The following DMBT1 variants were observed in gnomAD, a reference collection of about 807,000 sequenced individuals.
DMBT1 encodes the protein scavenger receptor cysteine-rich domain-containing protein DMBT1.
In DMBT1, 198 loss-of-function variants were observed where a neutral mutation model predicts 252.9. The ratio of observed to expected loss-of-function variants is 0.78; its 90% CI spans 0.70 to 0.88. The LOEUF (loss-of-function observed/expected upper bound fraction) is 0.88. DMBT1 is among the 40% of genes least tolerant of loss of function. The pLI is 0.00. For missense variants in DMBT1, 2,432 were observed against 2,404.7 expected (o/e 1.01, Z -0.24); for synonymous variants, 990 against 942.7 (o/e 1.05, Z -0.92).
intron 16 of DMBT1, among the ~76,000 whole-genome samples, chr10:122,587,864 G>C (rs2097804265): frequency 6.7e-6 from 1 of 148,450 alleles, no homozygotes. Context: ...TGTGTCAGTG[G>C]ATGGGGCAGG....
chr10:122,621,706 C>A (rs920024456), intron 44 of DMBT1, among the ~76,000 whole-genome samples: 2 of 152,154 alleles, frequency 1.3e-5, no homozygotes, highest in African/African-American at 4.8e-5. Context: ...GTATGGTGGA[C>A]ACAGCACAGA....
At chr10:122,573,491 C>A (rs1985772) in intron 5 of DMBT1, among the ~76,000 whole-genome samples, 1 of 152,024 alleles carries the variant, frequency 6.6e-6, no homozygotes, top group Non-Finnish European at 1.5e-5. Context: ...CAGCAGAGGA[C>A]ATGGGGGTAG....
chr10:122,570,118 A>G (rs953206550), intron 2 of DMBT1, 44 bp from the exon 3 acceptor site: 7 of 1,542,658 alleles, frequency 4.5e-6, no homozygotes, highest in Middle Eastern at 1.7e-4. Flanking sequence ...GCCCTCCCCA[A>G]GCAAGGGCTA....
Position 122,587,978 on chromosome 10 carries a change from G to A in DMBT1, c.1784-966G>A, listed in dbSNP as rs942001571. On this transcript the variant is annotated intron_variant, in intron 16 of 55. Coordinates refer to ENST00000338354, the MANE Select transcript of DMBT1 (RefSeq NM_001377530.1). ...TGTCCCTTCCTGAGCTTACTGGGCT[G>A]AAGAGTTGGGCAGACACATGGGGAG... is the stretch of plus-strand genomic sequence containing the variant. 4.7e-5 allele frequency among the ~76,000 whole-genome samples: 7 copies of A among 148,526 alleles called. 1 individual carries two copies. Among genetic ancestry groups the A allele is most frequent in the Non-Finnish European group, 1.0e-4 (7 of 66,726 alleles).
chr10:122,598,660 T>C, intron 25 of DMBT1, 114 bp from the exon 26 acceptor site: 1 of 1,565,962 alleles, frequency 6.4e-7, no homozygotes, highest in Non-Finnish European at 8.6e-7. Flanking sequence ...TATTCAAAGG[T>C]GACTGCCTGC....
chr10:122,579,109 C>T (rs1407735611), intron 9 of DMBT1, among the ~76,000 whole-genome samples: 1 of 152,038 alleles, frequency 6.6e-6, no homozygotes, highest in Non-Finnish European at 1.5e-5. Context: ...TGACCTGTCT[C>T]CTGTGGGATC....
At chr10:122,598,243 A>T (rs185672228) in intron 25 of DMBT1, among the ~76,000 whole-genome samples, 111 of 152,154 alleles carry the variant, frequency 7.3e-4, no homozygotes, top group Non-Finnish European at 1.4e-3. Flanking sequence ...TGGTCAGGAA[A>T]CATCCTCATC....
intron 46 of DMBT1, among the ~76,000 whole-genome samples, chr10:122,627,265 G>A (rs1336198854): frequency 6.6e-6 from 1 of 152,082 alleles, no homozygotes; most frequent in Non-Finnish European, 1.5e-5. Flanking sequence ...GAATAAATGA[G>A]TGAATGAATG....
intron 51 of DMBT1, 138 bp from the exon 52 acceptor site, chr10:122,633,053 A>T (rs535069898): frequency 6.7e-7 from 1 of 1,491,056 alleles, no homozygotes; most frequent in African/African-American, 1.4e-5. Flanking sequence ...GATCTAGGCC[A>T]CCTCTTGCTC....
chr10:122,625,395 C>A, intron 45 of DMBT1, 92 bp downstream of exon 45: 1 of 1,239,262 alleles, frequency 8.1e-7, no homozygotes, highest in Non-Finnish European at 1.2e-6. Flanking sequence ...GTAGACTCCC[C>A]CTGGGGGGGT....
intron 45 of DMBT1, 88 bp downstream of exon 45, chr10:122,625,391 TC>T: frequency 2.3e-6 from 3 of 1,304,860 alleles, no homozygotes; most frequent in Non-Finnish European, 3.3e-6. Flanking sequence ...TAGGGTAGAC[TC>T]CCCCTGGGGG....
chr10:122,640,179 C>T lies in DMBT1; in HGVS notation c.7082C>T (p.Ala2361Val). 6.2e-7 allele frequency: 1 copy of T among 1,614,082 alleles called. No homozygotes were observed. The highest frequency in any genetic ancestry group is 8.5e-7 in the Non-Finnish European group (1 of 1,179,898). The change falls in exon 55 of 56, where the codon GCT becomes GTT. Residue 2361 changes from alanine to valine, a missense_variant. Coordinates refer to ENST00000338354, the MANE Select transcript of DMBT1 (RefSeq NM_001377530.1). ...QNTWVDTMYI[A>V]NDTIHVANNT... is the part of the protein sequence containing the mutation. ...ACCTGGGTCGACACCATGTACATTG[C>T]TAATGACACCATCCACGTTGCTAAT...
intron 6 of DMBT1, among the ~76,000 whole-genome samples, chr10:122,574,800 G>A (rs1454696032): frequency 2.0e-5 from 3 of 152,216 alleles, no homozygotes; most frequent in Non-Finnish European, 2.9e-5. Flanking sequence ...GAGTGAGGGG[G>A]CAGAGGTATT....
In DMBT1 at chr10:122,641,990, G is replaced by T. The variant is rs1468953174; in HGVS notation, c.7353-1132G>T. ...AAATCTTGAGTGATTCTGAGGTGGA[G>T]TCATGGCTGTGGCTTCGCTGTGGCA... On this transcript the variant is annotated intron_variant, in intron 55 of 55. Transcript: ENST00000338354. Among the ~76,000 whole-genome samples the T allele has an allele frequency of 2.0e-5, 3 of 152,274 alleles. No homozygotes were observed. In the East Asian group the frequency reaches 5.8e-4, roughly 29 times the overall value.
chr10:122,636,695 T>C lies in DMBT1; in HGVS notation c.6758-433T>C, dbSNP rs373923905. Among the ~76,000 whole-genome samples, 57 of 152,356 alleles carry C rather than the reference T, an allele frequency of 3.7e-4. No individual in the cohort carries two copies. In the South Asian group the frequency reaches 0.011, roughly 29 times the overall value. On this transcript the variant is annotated intron_variant, in intron 53 of 55. Coordinates refer to ENST00000338354, the MANE Select transcript of DMBT1 (RefSeq NM_001377530.1). ...ATTTGAGTTGCTGTATGGACTGATA[T>C]GTAGAATGGCCAAGGGCCAGGCAAG... is the stretch of plus-strand genomic sequence containing the variant.
Position 122,636,069 on chromosome 10 carries a change from T to G in DMBT1, c.6627T>G (p.Val2209=). The change falls in exon 53 of 56, where the codon GTT becomes GTG. Residue 2209 remains valine, a synonymous_variant. Coordinates refer to ENST00000338354, the MANE Select transcript of DMBT1 (RefSeq NM_001377530.1). The part of the protein sequence containing the change: ...PYRSSPLIAR[V]CDGARGSFTS... ...GCAGTTCCCCTCTCATTGCTCGAGT[T>G]TGTGATGGGGCCAGAGGCTCCTTCA... 1 of 1,613,988 alleles carries G rather than the reference T, an allele frequency of 6.2e-7. No homozygotes were observed. The highest frequency in any genetic ancestry group is 8.5e-7 in the Non-Finnish European group (1 of 1,179,890).
chr10:122,586,159 A>G lies in DMBT1; in HGVS notation c.1559A>G (p.Asp520Gly). Residue 520 changes from aspartate (D) to glycine (G), a missense_variant, in exon 16 of 56, where the codon GAT (aspartate) becomes GGT (glycine). By Grantham distance (94) the Asp-to-Gly change is moderately conservative. Around this residue, in one of 3 missense-constraint regions of DMBT1, gnomAD observed 1,264 missense variants for 1,082.2 expected, o/e 1.17. Transcript: ENST00000338354. ...CGAGGCTCCTGGGGCACCGTGTGTGATGACAGCTGGGACACCAATGATGCC... is the reference window on the plus strand; with the variant it reads ...CGAGGCTCCTGGGGCACCGTGTGTGGTGACAGCTGGGACACCAATGATGCC... Reference protein sequence around the residue: ...LYRGSWGTVCDDSWDTNDANV... With the variant: ...LYRGSWGTVCGDSWDTNDANV... 3 of 1,589,220 alleles carry G rather than the reference A, an allele frequency of 1.9e-6. 1 individual carries two copies. Among genetic ancestry groups the G allele is most frequent in the Non-Finnish European group, 2.6e-6 (3 of 1,166,116 alleles).
At position 122,598,110 on chromosome 10, in the gene DMBT1, T is replaced by A. The variant is rs116020334; in HGVS notation, c.2956+98T>A. The A allele has an allele frequency of 0.011, 17,331 of 1,556,524 alleles. 1,079 individuals carry two copies. In the South Asian group the frequency reaches 0.14, roughly 12 times the overall value. ...GGATGAGGGTCAAGGTGGGCCCCTC[T>A]CTTTTTCATGTCCCTGTGGGTTGCA... On this transcript the variant is annotated intron_variant, in intron 25 of 55. Transcript: ENST00000338354.
At chr10:122,617,186 T>G in intron 39 of DMBT1, 42 bp from the exon 40 acceptor site, 1 of 1,598,936 alleles carries the variant, frequency 6.3e-7, no homozygotes, top group Non-Finnish European at 8.5e-7. Flanking sequence ...GCCTTTTCCC[T>G]TCAAGTCTAA....
Sources: allele counts gnomAD v4.1 joint callset (sites outside exome capture counted in the v4.1 genomes callset), GRCh38; gene constraint gnomAD v4.1.1; regional missense constraint gnomAD v4.1.1; transcripts MANE v1.5; gene names NCBI Gene and HGNC (gene_info 2026-07-23, HGNC 2026-07-21).